The following NDST4 variants were observed in gnomAD, a reference collection of about 807,000 sequenced individuals.
The protein encoded by NDST4 is N-heparan sulfate sulfotransferase 4.
In NDST4, 63 loss-of-function variants were observed where a neutral mutation model predicts 100.8. The observed-to-expected ratio is 0.62, with a 90% CI of 0.51 to 0.77. The LOEUF (loss-of-function observed/expected upper bound fraction) is 0.77. NDST4 is among the 30% of genes least tolerant of loss of function. The pLI is 0.00. For synonymous variants in NDST4, 377 were observed against 361.8 expected, an observed-to-expected ratio of 1.04 and a Z score of -0.48; for missense variants, 943 against 1,018.4, an observed-to-expected ratio of 0.93 and a Z score of 1.01.
At chr4:115,011,481 A>C (rs1410210940) in intron 2 of NDST4, among the ~76,000 whole-genome samples, 1 of 151,510 alleles carries the variant, frequency 6.6e-6, no homozygotes, top group Admixed American at 6.6e-5. Flanking sequence ...TTTTTCCTGC[A>C]ATCTCCAGTA....
chr4:114,957,886 A>C (rs781446189), intron 4 of NDST4, among the ~76,000 whole-genome samples: 2 of 152,188 alleles, frequency 1.3e-5, no homozygotes, highest in Non-Finnish European at 1.5e-5. Context: ...GATCATACTG[A>C]TGCAAAAAGT....
At chr4:115,101,595 T>C (rs1278962911) in intron 1 of NDST4, among the ~76,000 whole-genome samples, 1 of 151,966 alleles carries the variant, frequency 6.6e-6, no homozygotes, top group Non-Finnish European at 1.5e-5. Context: ...TATTTATGAG[T>C]CAAGAAATAC....
intron 6 of NDST4, among the ~76,000 whole-genome samples, chr4:114,902,444 A>G (rs2389045): frequency 0.059 from 8,976 of 152,096 alleles, 721 homozygotes; most frequent in African/African-American, 0.18. Flanking sequence ...AGAGAAATCA[A>G]ATGTAATTCT....
intron 2 of NDST4, among the ~76,000 whole-genome samples, chr4:115,011,873 G>C (rs1405519348): frequency 2.0e-5 from 3 of 151,860 alleles, no homozygotes; most frequent in Non-Finnish European, 2.9e-5. Context: ...TCATGAAGCA[G>C]TGTTAATTTT....
Position 114,934,984 on chromosome 4 carries a change from C to T in NDST4, c.1536+222G>A, listed in dbSNP as rs1578398911. 1.3e-5 allele frequency: 3 copies of T among 239,958 alleles called. No individual in the cohort carries two copies. The East Asian group carries it at 2.5e-4, about 20-fold the overall frequency. The allele number at this position is 239,958 out of a possible 1,614,324, so 14.9% of individuals were successfully genotyped here. On this transcript the variant is annotated intron_variant, in intron 6 of 13. Coordinates refer to ENST00000264363, the MANE Select transcript of NDST4 (RefSeq NM_022569.3). ...CTAGAAATAAACTTTTCACTACCCA[C>T]ATTACAAAGTAAAAACCATGACTTT...
At chr4:114,991,533 A>C (rs1727039490) in intron 2 of NDST4, among the ~76,000 whole-genome samples, 1 of 152,078 alleles carries the variant, frequency 6.6e-6, no homozygotes, top group Non-Finnish European at 1.5e-5. Context: ...ATAGGAATAC[A>C]CATTGTATAT....
At chr4:114,986,830 A>T (rs183433195) in intron 2 of NDST4, among the ~76,000 whole-genome samples, 1,279 of 91,924 alleles carry the variant, frequency 0.014, 69 homozygotes, top group African/African-American at 0.045. Flanking sequence ...ATATATATAT[A>T]TATTTTAATA....
chr4:114,846,733 C>T (rs1723557119), intron 9 of NDST4, among the ~76,000 whole-genome samples: 1 of 152,148 alleles, frequency 6.6e-6, no homozygotes, highest in African/African-American at 2.4e-5. Flanking sequence ...ACTTCTCTCA[C>T]CCTCAAATGT....
intron 2 of NDST4, among the ~76,000 whole-genome samples, chr4:115,073,961 G>C (rs1023840505): frequency 6.6e-6 from 1 of 151,640 alleles, no homozygotes; most frequent in Non-Finnish European, 1.5e-5. Context: ...ATAATTCTGA[G>C]GGAGAACCAG....
intron 1 of NDST4, among the ~76,000 whole-genome samples, chr4:115,104,372 C>T (rs1578524067): frequency 6.6e-6 from 1 of 152,186 alleles, no homozygotes; most frequent in Non-Finnish European, 1.5e-5. Flanking sequence ...CATTGTGTCA[C>T]TATAAGGGGT....
intron 2 of NDST4, among the ~76,000 whole-genome samples, chr4:115,033,354 G>T (rs931171804): frequency 2.0e-5 from 3 of 151,270 alleles, no homozygotes; most frequent in Non-Finnish European, 4.4e-5. Context: ...GGGCTCAAGT[G>T]ATCTGCCCAC....
chr4:114,914,971 T>C lies in NDST4; in HGVS notation c.1536+20235A>G, dbSNP rs1019922524. On this transcript the variant is annotated intron_variant, in intron 6 of 13. Coordinates refer to ENST00000264363, the MANE Select transcript of NDST4 (RefSeq NM_022569.3). ...ATCTGTTCCTATGATTCTTCCTGTA[T>C]TACTCAATATCTGATCTTTATTTTC... Among the ~76,000 whole-genome samples the C allele has an allele frequency of 1.9e-4, 29 of 152,322 alleles. 1 individual carries two copies. Among genetic ancestry groups the C allele is most frequent in the Admixed American group, 4.6e-4 (7 of 15,296 alleles).
At chr4:114,968,599 CAGGCAATTCGTAA>C (rs1726436337) in intron 4 of NDST4, among the ~76,000 whole-genome samples, 1 of 152,106 alleles carries the variant, frequency 6.6e-6, no homozygotes, top group African/African-American at 2.4e-5. Flanking sequence ...AAAGCAGCTG[CAGGCAATTCGTAA>C]AGGAATGAGT....
At chr4:115,101,844 T>G (rs1729736155) in intron 1 of NDST4, among the ~76,000 whole-genome samples, 1 of 152,136 alleles carries the variant, frequency 6.6e-6, no homozygotes, top group Non-Finnish European at 1.5e-5. Flanking sequence ...GTAAGCGATA[T>G]GAGATTTCAG....
chr4:115,008,520 A>T (rs1560856455), intron 2 of NDST4, among the ~76,000 whole-genome samples: 1 of 128,438 alleles, frequency 7.8e-6, no homozygotes, highest in Non-Finnish European at 1.7e-5. Flanking sequence ...TAAATTAGGT[A>T]TTGATGGGAC....
At chr4:115,013,282 A>G (rs6858472) in intron 2 of NDST4, among the ~76,000 whole-genome samples, 9,819 of 146,452 alleles carry the variant, frequency 0.067, 1,082 homozygotes, top group African/African-American at 0.23. Flanking sequence ...TTACCCTAAT[A>G]TGATTATTAT....
At chr4:114,994,521 A>T (rs992580482) in intron 2 of NDST4, among the ~76,000 whole-genome samples, 2 of 151,958 alleles carry the variant, frequency 1.3e-5, no homozygotes, top group South Asian at 4.1e-4. Context: ...TTTGAAACTG[A>T]TGGAAATCAG....
In NDST4 at chr4:114,996,744, G is replaced by A. The variant is rs77801071; in HGVS notation, c.979-19470C>T. Reference sequence around the variant, plus strand: ...GATACTAAAAATTAAAATTTCATTCGGTATGTGTTCCTCACTAGTTTAAAT... The same window carrying A: ...GATACTAAAAATTAAAATTTCATTCAGTATGTGTTCCTCACTAGTTTAAAT... On this transcript the variant is annotated intron_variant, in intron 2 of 13. Coordinates refer to ENST00000264363, the MANE Select transcript of NDST4 (RefSeq NM_022569.3). 1.2e-3 allele frequency among the ~76,000 whole-genome samples: 184 copies of A among 152,020 alleles called. 2 individuals carry two copies. In the East Asian group the frequency reaches 0.033, roughly 27 times the overall value.
intron 2 of NDST4, among the ~76,000 whole-genome samples, chr4:114,996,440 C>G (rs919272928): frequency 6.6e-6 from 1 of 152,050 alleles, no homozygotes; most frequent in Non-Finnish European, 1.5e-5. Flanking sequence ...AGAACTAATA[C>G]AGCAGTTTTC....
Sources: allele counts gnomAD v4.1 joint callset (sites outside exome capture counted in the v4.1 genomes callset), GRCh38; gene constraint gnomAD v4.1.1; transcripts MANE v1.5; gene names NCBI Gene and HGNC (gene_info 2026-07-23, HGNC 2026-07-21).